AFF1: variants seen among roughly 807,000 people sequenced by gnomAD.
AFF1 encodes the protein ALF transcription elongation factor 1, also known as AF4/FMR2 family member 1.
In AFF1, 48 loss-of-function variants were observed where a neutral mutation model predicts 121.7. The observed-to-expected ratio is 0.39, with a 90% CI of 0.31 to 0.50. AFF1 has a LOEUF of 0.50. Among genes scored for constraint, AFF1 ranks in the 20% least tolerant of loss-of-function variants. The probability of loss-of-function intolerance (pLI) is 0.76; values close to 1 mark genes in which losing one functional copy is unlikely to be tolerated. For missense variants in AFF1, 1,523 were observed against 1,511.7 expected, an observed-to-expected ratio of 1.01 and a Z score of -0.12; for synonymous variants, 613 against 563.0, an observed-to-expected ratio of 1.09 and a Z score of -1.26.
At chr4:87,133,183 A>C (rs751668817) in intron 19 of AFF1, among the ~76,000 whole-genome samples, 5 of 152,258 alleles carry the variant, frequency 3.3e-5, no homozygotes, top group Admixed American at 6.5e-5. Flanking sequence ...ATCTTTAGCA[A>C]AATTTTTTTC....
intron 2 of AFF1, among the ~76,000 whole-genome samples, chr4:87,012,521 G>A (rs1726881581): frequency 1.3e-5 from 2 of 152,066 alleles, no homozygotes; most frequent in Admixed American, 6.6e-5. Context: ...AACTTTTACG[G>A]GTTAAATGAT....
chr4:87,022,933 G>A (rs538829349), intron 2 of AFF1, among the ~76,000 whole-genome samples: 7 of 151,928 alleles, frequency 4.6e-5, no homozygotes, highest in Non-Finnish European at 1.0e-4. Context: ...TATAGATGGA[G>A]TCTCTGTTGC....
At chr4:86,952,785 T>C (rs1470658075) in intron 2 of AFF1, among the ~76,000 whole-genome samples, 3 of 149,214 alleles carry the variant, frequency 2.0e-5, no homozygotes, top group African/African-American at 7.4e-5. Context: ...GGTTCAAGCG[T>C]TTCTCCTGCC....
intron 12 of AFF1, among the ~76,000 whole-genome samples, chr4:87,119,762 T>C (rs1236867292): frequency 6.6e-6 from 1 of 152,150 alleles, no homozygotes; most frequent in Non-Finnish European, 1.5e-5. Flanking sequence ...TTCAAATCTT[T>C]TTTACTTTTT....
intron 4 of AFF1, among the ~76,000 whole-genome samples, chr4:87,051,225 TTTTGAC>T (rs1158631732): frequency 6.6e-6 from 1 of 152,198 alleles, no homozygotes; most frequent in Non-Finnish European, 1.5e-5. Flanking sequence ...CACCCAGTTC[TTTTGAC>T]TTGCTGTTTG....
At chr4:87,033,119 GGT>G (rs1239424240) in intron 2 of AFF1, among the ~76,000 whole-genome samples, 6 of 152,158 alleles carry the variant, frequency 3.9e-5, no homozygotes, top group Non-Finnish European at 7.4e-5. Context: ...CACTGCACTG[GGT>G]GATAGTGAGA....
intron 4 of AFF1, among the ~76,000 whole-genome samples, chr4:87,060,636 C>T (rs146274939): frequency 0.02 from 3,054 of 151,730 alleles, 112 homozygotes; most frequent in African/African-American, 0.07. Context: ...GTCAGGAGTT[C>T]GAGACCAGCC....
In AFF1 at chr4:87,064,878, G is replaced by GAAA. The variant is rs397932923; in HGVS notation, c.1059+17296_1059+17298dup. On this transcript the variant is annotated intron_variant, in intron 4 of 20. Coordinates refer to ENST00000395146, the MANE Select transcript of AFF1 (RefSeq NM_001166693.3). The stretch of plus-strand genomic sequence containing the variant: ...ACAAGAGTGAAATTCCGTCTCAAAA[G>GAAA]AAAAAAAAAAAAAAGCCGGGTGTTG... Among the ~76,000 whole-genome samples the GAAA allele has an allele frequency of 1.6e-3, 225 of 139,068 alleles. 1 individual carries two copies. The highest frequency in any genetic ancestry group is 3.7e-3 in the Middle Eastern group (1 of 270). The allele number at this position is 139,068 out of a possible 152,430, so 91.2% of individuals were successfully genotyped here. A position where few individuals can be genotyped will look rare whatever the true frequency, so the allele number is the denominator to read the frequency against.
intron 4 of AFF1, chr4:87,049,684 C>T (rs751349214): frequency 3.9e-5 from 18 of 456,126 alleles, no homozygotes; most frequent in Middle Eastern, 3.2e-4. Context: ...CGGTGGTTCC[C>T]TCTGGTCTCG....
intron 2 of AFF1, among the ~76,000 whole-genome samples, chr4:86,949,455 TGTA>T (rs950371807): frequency 2.6e-4 from 39 of 150,348 alleles, no homozygotes; most frequent in African/African-American, 8.0e-4. Flanking sequence ...TACTACCCCT[TGTA>T]GTAACATTCT....
At chr4:86,996,998 G>A (rs1182546656) in intron 2 of AFF1, among the ~76,000 whole-genome samples, 4 of 152,164 alleles carry the variant, frequency 2.6e-5, no homozygotes, top group Admixed American at 6.5e-5. Flanking sequence ...TGCAACCTCT[G>A]CCTCCCGGGT....
At chr4:87,028,547 T>G (rs1301455497) in intron 2 of AFF1, among the ~76,000 whole-genome samples, 1 of 152,146 alleles carries the variant, frequency 6.6e-6, no homozygotes, top group East Asian at 1.9e-4. Context: ...GTTGGATGAG[T>G]TGTGTGTGCT....
At chr4:86,960,187 C>A (rs1203105027) in intron 2 of AFF1, among the ~76,000 whole-genome samples, 2 of 152,088 alleles carry the variant, frequency 1.3e-5, no homozygotes, top group African/African-American at 2.4e-5. Context: ...ACTGTTCACA[C>A]TGGAAAAGAT....
intron 2 of AFF1, among the ~76,000 whole-genome samples, chr4:87,042,691 AT>A (rs941749015): frequency 1.3e-5 from 2 of 152,344 alleles, no homozygotes; most frequent in Admixed American, 6.5e-5. Context: ...GTTTAAAAAA[AT>A]TTTTTTGACA....
At chr4:87,035,073 AG>A (rs1383235278) in intron 2 of AFF1, among the ~76,000 whole-genome samples, 1 of 152,216 alleles carries the variant, frequency 6.6e-6, no homozygotes. Flanking sequence ...TAGACAGCCT[AG>A]GTATCCCAGA....
chr4:86,966,690 A>G (rs1722563418), intron 2 of AFF1, among the ~76,000 whole-genome samples: 1 of 151,794 alleles, frequency 6.6e-6, no homozygotes, highest in South Asian at 2.1e-4. Flanking sequence ...GGATTTGTTG[A>G]TTGTAGCGTG....
chr4:87,111,788 GCA>G (rs1376390516), intron 11 of AFF1, among the ~76,000 whole-genome samples: 1 of 152,052 alleles, frequency 6.6e-6, no homozygotes, highest in Non-Finnish European at 1.5e-5. Context: ...CCCTTGTCTG[GCA>G]CAACTACTCA....
chr4:86,936,419 G>C, intron 1 of AFF1: 1 of 152,272 alleles, frequency 6.6e-6, no homozygotes, highest in East Asian at 1.9e-4. Flanking sequence ...GAGTCTGAGA[G>C]GCGTGGAGAA....
chr4:87,007,243 C>G (rs1395457976), intron 2 of AFF1: 1 of 1,485,206 alleles, frequency 6.7e-7, no homozygotes, highest in Non-Finnish European at 8.9e-7. Context: ...GGGGCTGCGC[C>G]GAGGACGCCC....
Sources: gnomAD v4.1 joint callset for allele counts (sites outside exome capture counted in the v4.1 genomes callset) on GRCh38, gnomAD v4.1.1 for gene constraint, MANE v1.5 for transcripts, NCBI Gene and HGNC (gene_info 2026-07-23, HGNC 2026-07-21) for gene names.